USP25: variants seen among roughly 807,000 people sequenced by gnomAD.
USP25 encodes ubiquitin specific peptidase 25.
USP25 carries 85 observed loss-of-function variants against 158.5 expected under a neutral mutation model. That is an observed-to-expected ratio of 0.54 (90% CI 0.45 to 0.64). The LOEUF (loss-of-function observed/expected upper bound fraction) is 0.64, where lower values mean the gene tolerates loss of function less well. Among genes scored for constraint, USP25 ranks in the 30% least tolerant of loss-of-function variants. The probability of loss-of-function intolerance (pLI) is 0.00; values close to 1 mark genes in which losing one functional copy is unlikely to be tolerated. For missense variants in USP25, 1,242 were observed against 1,327.3 expected, an observed-to-expected ratio of 0.94 and a Z score of 1.00; for synonymous variants, 464 against 460.4, an observed-to-expected ratio of 1.01 and a Z score of -0.10.
rs1267964052 is a variant in USP25 at position 15,875,783 on chromosome 21, C to T, written c.3009+1257C>T. 6.6e-6 allele frequency among the ~76,000 whole-genome samples: 1 copy of T among 152,122 alleles called. No individual in the cohort carries two copies. The stretch of plus-strand genomic sequence containing the variant: ...AAGTGATGAAGCTGACAATACTTGT[C>T]GATGTCAGATGATGAAGAAACTTAG... On this transcript the variant is annotated intron_variant, in intron 24 of 25. Transcript: ENST00000400183. This position sits in a 1 kb window ranked among gnomAD's most constrained non-coding sequence, Gnocchi z 4.7.
chr21:15,735,319 T>G (rs73355475), intron 1 of USP25, among the ~76,000 whole-genome samples: 3,123 of 152,322 alleles, frequency 0.021, 101 homozygotes, highest in African/African-American at 0.071. Flanking sequence ...GTTGCATCTG[T>G]ACTGAACATG....
At chr21:15,855,764 C>T (rs779020162) in intron 20 of USP25, among the ~76,000 whole-genome samples, 2 of 152,162 alleles carry the variant, frequency 1.3e-5, no homozygotes, top group Admixed American at 6.5e-5. Context: ...ACCAACTAGG[C>T]CAAGAGGTAG....
At chr21:15,809,459 A>C (rs1260596935) in intron 8 of USP25, among the ~76,000 whole-genome samples, 1 of 152,058 alleles carries the variant, frequency 6.6e-6, no homozygotes, top group Non-Finnish European at 1.5e-5. Flanking sequence ...ACGAAAAAAA[A>C]CGAAACACCC....
intron 4 of USP25, among the ~76,000 whole-genome samples, chr21:15,781,172 A>G (rs1600888878): frequency 6.6e-6 from 1 of 152,200 alleles, no homozygotes; most frequent in African/African-American, 2.4e-5. Context: ...TCCGTGTGGC[A>G]GGAGCCACAC....
chr21:15,842,313 C>A, intron 17 of USP25, 85 bp from the exon 18 acceptor site: 2 of 1,417,524 alleles, frequency 1.4e-6, no homozygotes, highest in Non-Finnish European at 9.4e-7. Context: ...TACATAACTT[C>A]AGACATAGAA....
intron 5 of USP25, among the ~76,000 whole-genome samples, chr21:15,792,718 A>G (rs1309877231): frequency 1.3e-5 from 2 of 151,468 alleles, no homozygotes; most frequent in Non-Finnish European, 3.0e-5. Flanking sequence ...TAAAATTTTC[A>G]CCGTTTTCTC....
chr21:15,818,871 C>T lies in USP25; in HGVS notation c.1080+25C>T, dbSNP rs115280080. ...GGTGAGTTTAACATTTTCATTGTCC[C>T]CTTTCTTCCCTAGGTCTTTCTTACA... On this transcript the variant is annotated intron_variant, in intron 10 of 25. Transcript: ENST00000400183. 854 of 1,610,774 alleles carry T rather than the reference C, an allele frequency of 5.3e-4. 7 individuals are homozygous for T. The African/African-American group carries it at 8.7e-3, about 16-fold the overall frequency.
intron 17 of USP25, among the ~76,000 whole-genome samples, chr21:15,839,233 T>G (rs1162456675): frequency 6.6e-6 from 1 of 152,136 alleles, no homozygotes; most frequent in East Asian, 1.9e-4. Context: ...TCATCTAAGT[T>G]CCCTGGGAGG....
chr21:15,851,644 T>C (rs933745842), intron 20 of USP25, among the ~76,000 whole-genome samples: 3 of 152,144 alleles, frequency 2.0e-5, no homozygotes, highest in Non-Finnish European at 4.4e-5. Flanking sequence ...CCCTTAACTT[T>C]TGTTTTCCTT....
At position 15,835,540 on chromosome 21, in the gene USP25, A is replaced by T. The variant is rs953519985; in HGVS notation, c.2194+1992A>T. ...CTTTACATGGTGTTTTGTAATTTTT[A>T]AAAAATGCAGTACTAGGTATTGGAC... On this transcript the variant is annotated intron_variant, in intron 17 of 25. Transcript: ENST00000400183. Among the ~76,000 whole-genome samples, 13 of 152,268 alleles carry T rather than the reference A, an allele frequency of 8.5e-5. 1 individual carries two copies. Among genetic ancestry groups the T allele is most frequent in the Admixed American group, 4.6e-4 (7 of 15,300 alleles).
At position 15,875,957 on chromosome 21, in the gene USP25, A is replaced by C. The variant is rs191115842; in HGVS notation, c.3009+1431A>C. ...ATTGAAGTCAAGAACCTTAGAGGGG[A>C]AAGTCAAGGGACGGAGAGTGAGGAC... On this transcript the variant is annotated intron_variant, in intron 24 of 25. Coordinates refer to ENST00000400183, the MANE Select transcript of USP25 (RefSeq NM_001283041.3). This position sits in a 1 kb window ranked among gnomAD's most constrained non-coding sequence, Gnocchi z 4.7. 4 of 152,354 alleles carry C rather than the reference A, an allele frequency of 2.6e-5. No individual in the cohort carries two copies. The highest frequency in any genetic ancestry group is 9.6e-5 in the African/African-American group (4 of 41,576). 9.4% of individuals were successfully genotyped at this position (152,354 alleles called of 1,614,324 possible).
At chr21:15,823,400 A>G (rs2037334321) in intron 10 of USP25, among the ~76,000 whole-genome samples, 1 of 152,108 alleles carries the variant, frequency 6.6e-6, no homozygotes, top group Non-Finnish European at 1.5e-5. Flanking sequence ...ACTCATTATC[A>G]GAATTTGGCT....
intron 10 of USP25, among the ~76,000 whole-genome samples, chr21:15,822,198 C>T (rs1348834907): frequency 1.3e-5 from 2 of 151,822 alleles, no homozygotes; most frequent in East Asian, 1.9e-4. Flanking sequence ...TGCTATACTA[C>T]AATCCAAATA....
chr21:15,819,087 G>T (rs2037098164), intron 10 of USP25, among the ~76,000 whole-genome samples: 2 of 152,254 alleles, frequency 1.3e-5, no homozygotes, highest in East Asian at 1.9e-4. Context: ...TTAGGACATT[G>T]TTCAGTCTTT....
chr21:15,743,181 G>C (rs1429127466), intron 1 of USP25, among the ~76,000 whole-genome samples: 1 of 152,210 alleles, frequency 6.6e-6, no homozygotes, highest in East Asian at 1.9e-4. Flanking sequence ...GAGGGGTCCT[G>C]ATGTTTGGGC....
At chr21:15,834,354 G>C (rs928038252) in intron 17 of USP25, among the ~76,000 whole-genome samples, 1 of 152,080 alleles carries the variant, frequency 6.6e-6, no homozygotes, top group African/African-American at 2.4e-5. Context: ...CTATTTCTCA[G>C]AGAAGCTATA....
In USP25 at chr21:15,864,407, T is replaced by TA; in HGVS notation, c.2688dup (p.Glu897ArgfsTer6). 1 of 1,610,496 alleles carries TA rather than the reference T, an allele frequency of 6.2e-7. No individual in the cohort carries two copies. Among genetic ancestry groups the TA allele is most frequent in the South Asian group, 1.1e-5 (1 of 89,850 alleles). On this transcript the variant is annotated frameshift_variant, in exon 21 of 26. Transcript: ENST00000400183. LOFTEE classifies it high-confidence loss of function. Reference sequence around the variant, plus strand: ...AAGAAAATTATTGAGAAAACATTACTAGAACAATTTGGAGATAGAAATTTG... The same window carrying TA: ...AAGAAAATTATTGAGAAAACATTACTAAGAACAATTTGGAGATAGAAATTTG...
At chr21:15,764,246 T>G (rs895182946) in intron 2 of USP25, among the ~76,000 whole-genome samples, 2 of 152,094 alleles carry the variant, frequency 1.3e-5, no homozygotes, top group African/African-American at 4.8e-5. Context: ...AGAAACTGCC[T>G]TTTTCATTAT....
In USP25 at chr21:15,799,811, T is replaced by C; in HGVS notation, c.610T>C (p.Ser204Pro). 6.2e-7 allele frequency: 1 copy of C among 1,604,838 alleles called. No individual in the cohort carries two copies. The highest frequency in any genetic ancestry group is 1.7e-5 in the Admixed American group (1 of 58,966). Residue 204 changes from serine (S) to proline (P), a missense_variant, in exon 6 of 26, where the codon TCA becomes CCA. This residue lies in a region of USP25 where 627 missense variants were observed against 701.4 expected (regional missense o/e 0.89). Transcript: ENST00000400183. The stretch of plus-strand genomic sequence containing the variant: ...ATTAGTTCTGAATTACAAGCCTCCA[T>C]CAAATGCTCAAGATTTACCCCGAAA... ...RRLVLNYKPP[S>P]NAQDLPRNQK...
Sources: allele counts gnomAD v4.1 joint callset (sites outside exome capture counted in the v4.1 genomes callset), GRCh38; gene constraint gnomAD v4.1.1; regional missense constraint gnomAD v4.1.1; non-coding constraint Gnocchi (gnomAD v3.1); transcripts MANE v1.5; gene names NCBI Gene and HGNC (gene_info 2026-07-23, HGNC 2026-07-21).